The following HSPBAP1 variants were observed in gnomAD, a reference collection of about 807,000 sequenced individuals.
HSPBAP1 encodes HSPB1-associated protein 1.
HSPBAP1 carries 27 observed loss-of-function variants against 45.2 expected under a neutral mutation model. The observed-to-expected ratio is 0.60, with a 90% CI of 0.44 to 0.82. The LOEUF is 0.82. Ranked by LOEUF, HSPBAP1 falls within the 40% of genes least tolerant of loss-of-function variation. The probability of loss-of-function intolerance (pLI) is 0.00; values close to 1 mark genes in which losing one functional copy is unlikely to be tolerated. For missense variants in HSPBAP1, 510 were observed against 590.9 expected (o/e 0.86, Z 1.42); for synonymous variants, 204 against 202.7 (o/e 1.01, Z -0.06).
intron 6 of HSPBAP1, among the ~76,000 whole-genome samples, chr3:122,742,174 TATAC>T (rs1324661688): frequency 2.0e-5 from 3 of 149,216 alleles, no homozygotes; most frequent in Non-Finnish European, 4.4e-5. Context: ...TATTGATATA[TATAC>T]ATATATTAAT....
Position 122,788,821 on chromosome 3 carries a change from C to T in HSPBAP1, c.64+4796G>A, listed in dbSNP as rs558002201. On this transcript the variant is annotated intron_variant, in intron 1 of 7. Coordinates refer to ENST00000306103, the MANE Select transcript of HSPBAP1 (RefSeq NM_024610.6). ...AGGAGAAAGGGAAGTTATTGTTTAA[C>T]GGATACAGAGTTCCAGATTTGCAAT... is the stretch of plus-strand genomic sequence containing the variant. Among the ~76,000 whole-genome samples the T allele has an allele frequency of 1.3e-4, 20 of 152,240 alleles. 1 individual carries two copies. The highest frequency in any genetic ancestry group is 8.3e-4 in the South Asian group (4 of 4,826).
At chr3:122,780,402 T>C (rs1477353719) in intron 1 of HSPBAP1, among the ~76,000 whole-genome samples, 3 of 92,078 alleles carry the variant, frequency 3.3e-5, no homozygotes, top group Non-Finnish European at 4.5e-5. Context: ...ACCTCCCTCC[T>C]GGACGGGGCG....
In HSPBAP1 at chr3:122,752,571, A is replaced by AAC. The variant is rs1934193661; in HGVS notation, c.825+19_825+20insGT. ...GATTTGCACTTACTTAAAAAAAAAA[A>AAC]AAAAACAACGAAAAAGTACCAGTTC... On this transcript the variant is annotated intron_variant, in intron 6 of 7. Coordinates refer to ENST00000306103, the MANE Select transcript of HSPBAP1 (RefSeq NM_024610.6). 1.5e-5 allele frequency: 23 copies of AAC among 1,508,820 alleles called. No homozygotes were observed. In the African/African-American group the frequency reaches 3.0e-4, roughly 20 times the overall value. 93.5% of individuals were successfully genotyped at this position (1,508,820 alleles called of 1,614,324 possible). A position where few individuals can be genotyped will look rare whatever the true frequency, so the allele number is the denominator to read the frequency against.
At chr3:122,753,048 G>C in intron 5 of HSPBAP1, 2 of 902,222 alleles carry the variant, frequency 2.2e-6, no homozygotes, top group Non-Finnish European at 2.7e-6. Context: ...CGTGGCTTCT[G>C]TTTTCTCACA....
At chr3:122,743,548 A>G (rs1045957353) in intron 6 of HSPBAP1, among the ~76,000 whole-genome samples, 3 of 152,150 alleles carry the variant, frequency 2.0e-5, no homozygotes, top group Non-Finnish European at 4.4e-5. Context: ...CCTGGGCAAC[A>G]AGAGCGAAAC....
intron 6 of HSPBAP1, among the ~76,000 whole-genome samples, chr3:122,750,078 G>A (rs1478861799): frequency 3.4e-4 from 52 of 151,244 alleles, no homozygotes; most frequent in Non-Finnish European, 2.9e-5. Context: ...TGGTTCAAGC[G>A]ATTCTCCTGC....
chr3:122,743,375 G>A (rs1032846147), intron 6 of HSPBAP1, among the ~76,000 whole-genome samples: 4 of 152,146 alleles, frequency 2.6e-5, no homozygotes, highest in Admixed American at 6.5e-5. Flanking sequence ...TTCGAGACCA[G>A]CTTCAACTTG....
intron 6 of HSPBAP1, among the ~76,000 whole-genome samples, chr3:122,748,140 G>A (rs1313284264): frequency 6.6e-6 from 1 of 152,194 alleles, no homozygotes; most frequent in Non-Finnish European, 1.5e-5. Flanking sequence ...AATGGATTAA[G>A]GGTGGTGCAA....
chr3:122,787,110 A>G (rs1056346210), intron 1 of HSPBAP1, among the ~76,000 whole-genome samples: 1 of 152,196 alleles, frequency 6.6e-6, no homozygotes, highest in Non-Finnish European at 1.5e-5. Flanking sequence ...TAACTAGATG[A>G]TTTAGAAACT....
intron 1 of HSPBAP1, among the ~76,000 whole-genome samples, chr3:122,781,204 G>A (rs1199043473): frequency 2.8e-4 from 42 of 151,290 alleles, no homozygotes; most frequent in African/African-American, 9.7e-4. Context: ...CAAGGCAGGC[G>A]GCTGGGAGGT....
Position 122,782,092 on chromosome 3 carries a change from A to AT in HSPBAP1, c.65-4187dup, listed in dbSNP as rs531920519. Among the ~76,000 whole-genome samples, 556 of 152,302 alleles carry AT rather than the reference A, an allele frequency of 3.7e-3. 3 individuals carry two copies. Among genetic ancestry groups the AT allele is most frequent in the Non-Finnish European group, 5.8e-3 (394 of 68,018 alleles). On this transcript the variant is annotated intron_variant, in intron 1 of 7. Transcript: ENST00000306103. ...ACATCTTCAAATTTTAAAAGATGTG[A>AT]TTTTTTGGAAAATACTACTTCCTAA...
At chr3:122,758,463 C>T (rs1387999383) in intron 4 of HSPBAP1, among the ~76,000 whole-genome samples, 2 of 152,148 alleles carry the variant, frequency 1.3e-5, no homozygotes, top group Admixed American at 1.3e-4. Flanking sequence ...ATTTTTCAAA[C>T]CAGGATCGCT....
chr3:122,777,348 G>A (rs1486753545), intron 2 of HSPBAP1, among the ~76,000 whole-genome samples: 1 of 152,056 alleles, frequency 6.6e-6, no homozygotes, highest in African/African-American at 2.4e-5. Flanking sequence ...AAAGTGGACG[G>A]GACTATTAGA....
chr3:122,775,379 A>G (rs1175962059), intron 2 of HSPBAP1, among the ~76,000 whole-genome samples: 1 of 152,238 alleles, frequency 6.6e-6, no homozygotes, highest in Non-Finnish European at 1.5e-5. Flanking sequence ...TGGCCAACAC[A>G]CACATAAAAA....
At chr3:122,753,798 G>C in intron 5 of HSPBAP1, 1 of 985,318 alleles carries the variant, frequency 1.0e-6, no homozygotes, top group South Asian at 4.7e-5. Context: ...TAAAGTTTCA[G>C]TAAAGTGGTG....
chr3:122,761,365 C>T (rs1427881805), intron 3 of HSPBAP1, among the ~76,000 whole-genome samples: 1 of 151,248 alleles, frequency 6.6e-6, no homozygotes, highest in Non-Finnish European at 1.5e-5. Context: ...TGTTCTAGAG[C>T]CCTGCTTTGG....
intron 5 of HSPBAP1, chr3:122,753,621 G>A: frequency 1.0e-6 from 1 of 984,460 alleles, no homozygotes; most frequent in South Asian, 4.7e-5. Flanking sequence ...TAAGAGCAGA[G>A]TAGATGGAAA....
chr3:122,753,329 T>C (rs1934227460), intron 5 of HSPBAP1: 1 of 643,326 alleles, frequency 1.6e-6, no homozygotes, highest in Non-Finnish European at 1.9e-6. Flanking sequence ...TCAGTCTTAC[T>C]ATCACAGAGG....
At chr3:122,764,807 A>G (rs1449243634) in intron 3 of HSPBAP1, among the ~76,000 whole-genome samples, 2 of 152,220 alleles carry the variant, frequency 1.3e-5, no homozygotes, top group Non-Finnish European at 1.5e-5. Flanking sequence ...CGTAAGTATC[A>G]TCATAATTGA....
Sources: allele counts gnomAD v4.1 joint callset (sites outside exome capture counted in the v4.1 genomes callset), GRCh38; gene constraint gnomAD v4.1.1; transcripts MANE v1.5; gene names NCBI Gene and HGNC (gene_info 2026-07-23, HGNC 2026-07-21).